The following PDE11A variants were observed in gnomAD, a reference collection of about 807,000 sequenced individuals.
PDE11A encodes phosphodiesterase 11A.
Under a neutral mutation model 100.5 loss-of-function variants are expected in PDE11A, and 100 were observed. The ratio of observed to expected loss-of-function variants is 1.00; its 90% CI spans 0.85 to 1.18. PDE11A has a LOEUF of 1.18. PDE11A is among the 50% of genes most tolerant of loss of function. PDE11A has a pLI of 0.00. For synonymous variants in PDE11A, 381 were observed against 420.8 expected (o/e 0.91, Z 1.16); for missense variants, 1,141 against 1,152.6 (o/e 0.99, Z 0.15).
Position 177,981,298 on chromosome 2 carries a change from C to A in PDE11A, c.1071+33004G>T, listed in dbSNP as rs1202107093. On this transcript the variant is annotated intron_variant, in intron 2 of 19. Transcript: ENST00000286063. ...TAACAAAGTACCACAAATTAGGTGGCTTAGAACGACTGAAATGTATTGTCT... is the reference window on the plus strand; with the variant it reads ...TAACAAAGTACCACAAATTAGGTGGATTAGAACGACTGAAATGTATTGTCT... Among the ~76,000 whole-genome samples, 7 of 150,422 alleles carry A rather than the reference C, an allele frequency of 4.7e-5. 1 individual carries two copies. Among genetic ancestry groups the A allele is most frequent in the Admixed American group, 2.7e-4 (4 of 15,086 alleles).
chr2:177,812,777 T>C (rs2082967363), intron 9 of PDE11A, among the ~76,000 whole-genome samples: 1 of 152,196 alleles, frequency 6.6e-6, no homozygotes, highest in Non-Finnish European at 1.5e-5. Context: ...CCTGTCAGAA[T>C]GTAGCTAGCT....
At chr2:177,861,803 A>T (rs2083950418) in intron 5 of PDE11A, among the ~76,000 whole-genome samples, 1 of 151,928 alleles carries the variant, frequency 6.6e-6, no homozygotes. Context: ...GGGTGGCAAG[A>T]CAAATAAATT....
intron 2 of PDE11A, among the ~76,000 whole-genome samples, chr2:177,955,108 A>C (rs918541402): frequency 6.6e-6 from 1 of 152,144 alleles, no homozygotes; most frequent in African/African-American, 2.4e-5. Context: ...TTTTTATTAA[A>C]ACAATGGGAA....
In PDE11A at chr2:177,684,387, T is replaced by C. The variant is rs534402753; in HGVS notation, c.2346-3484A>G. 3.3e-5 allele frequency among the ~76,000 whole-genome samples: 5 copies of C among 152,342 alleles called. No individual in the cohort carries two copies. In the East Asian group the frequency reaches 7.7e-4, roughly 23 times the overall value. ...AAAAACTTAGTTATCAAGATAAATA[T>C]TTTAATGTGATATTTAACAAAATAA... On this transcript the variant is annotated intron_variant, in intron 15 of 19. Coordinates refer to ENST00000286063, the MANE Select transcript of PDE11A (RefSeq NM_016953.4).
chr2:178,047,456 C>A (rs1182065053), intron 1 of PDE11A, among the ~76,000 whole-genome samples: 7 of 146,672 alleles, frequency 4.8e-5, no homozygotes, highest in Non-Finnish European at 1.0e-4. Context: ...GAGCAAGAGT[C>A]TGTCTCAAAA....
At chr2:177,927,194 T>G (rs1302110696) in intron 2 of PDE11A, among the ~76,000 whole-genome samples, 1 of 152,224 alleles carries the variant, frequency 6.6e-6, no homozygotes, top group African/African-American at 2.4e-5. Flanking sequence ...ATCATTAATT[T>G]TTAAAAATCA....
chr2:177,991,682 A>AAT (rs1421604817), intron 2 of PDE11A, among the ~76,000 whole-genome samples: 1 of 151,218 alleles, frequency 6.6e-6, no homozygotes, highest in Non-Finnish European at 1.5e-5. Flanking sequence ...TGGAAATGAA[A>AAT]ATATATATAC....
intron 2 of PDE11A, among the ~76,000 whole-genome samples, chr2:178,004,588 T>C (rs941537306): frequency 4.6e-5 from 7 of 152,214 alleles, no homozygotes; most frequent in Non-Finnish European, 1.0e-4. Flanking sequence ...TAATCTACAG[T>C]TGCAAATTGT....
At chr2:177,910,530 G>T (rs901929727) in intron 2 of PDE11A, among the ~76,000 whole-genome samples, 1 of 151,488 alleles carries the variant, frequency 6.6e-6, no homozygotes, top group African/African-American at 2.4e-5. Context: ...CAACTAATTT[G>T]GCCTTCACTA....
intron 9 of PDE11A, among the ~76,000 whole-genome samples, chr2:177,790,539 G>A (rs1050541816): frequency 6.6e-6 from 1 of 152,094 alleles, no homozygotes; most frequent in African/African-American, 2.4e-5. Context: ...ATTGACAAAT[G>A]GGATCTAATT....
At chr2:177,795,682 T>C (rs944641675) in intron 9 of PDE11A, among the ~76,000 whole-genome samples, 11 of 151,972 alleles carry the variant, frequency 7.2e-5, no homozygotes, top group African/African-American at 2.7e-4. Context: ...TATTGATATA[T>C]GATAATTTAC....
chr2:177,723,728 A>C (rs984374121), intron 12 of PDE11A, among the ~76,000 whole-genome samples: 1 of 152,176 alleles, frequency 6.6e-6, no homozygotes, highest in African/African-American at 2.4e-5. Flanking sequence ...TCAAAGTGCT[A>C]ATGAGTACAT....
rs187298136 is a variant in PDE11A, at chr2:177,874,734, G to C, written c.1367+1125C>G. ...CAAAAATAAAGTAAAAAATTAGGCT[G>C]TCTGTACAGCTAAGATACATCTAAA... is the stretch of plus-strand genomic sequence containing the variant. On this transcript the variant is annotated intron_variant, in intron 5 of 19. Transcript: ENST00000286063. 1.1e-3 allele frequency among the ~76,000 whole-genome samples: 161 copies of C among 152,248 alleles called. 2 individuals carry two copies. The highest frequency in any genetic ancestry group is 3.5e-3 in the African/African-American group (146 of 41,548).
At chr2:177,944,641 C>A (rs528897104) in intron 2 of PDE11A, among the ~76,000 whole-genome samples, 1 of 152,324 alleles carries the variant, frequency 6.6e-6, no homozygotes, top group East Asian at 1.9e-4. Flanking sequence ...TATATCTCTA[C>A]TTTAAAATCT....
At chr2:178,000,634 A>T (rs2086133037) in intron 2 of PDE11A, among the ~76,000 whole-genome samples, 1 of 152,226 alleles carries the variant, frequency 6.6e-6, no homozygotes, top group African/African-American at 2.4e-5. Context: ...AAAATATTAA[A>T]GTATCTACCT....
rs181927064 is a variant in PDE11A, at chr2:178,017,254, C to A, written c.913-2794G>T. Among the ~76,000 whole-genome samples the A allele has an allele frequency of 4.5e-3, 685 of 152,314 alleles. 4 individuals are homozygous for A. The highest frequency in any genetic ancestry group is 0.034 in the Middle Eastern group (10 of 294). Reference sequence around the variant, plus strand: ...TTTCCAAATATATAGAAGAGAGGTACACAAATGTTCACTGCAACATCAATT... The same window carrying A: ...TTTCCAAATATATAGAAGAGAGGTAAACAAATGTTCACTGCAACATCAATT... On this transcript the variant is annotated intron_variant, in intron 1 of 19. Transcript: ENST00000286063.
chr2:177,889,923 T>G (rs2084503096), intron 4 of PDE11A, among the ~76,000 whole-genome samples: 1 of 152,216 alleles, frequency 6.6e-6, no homozygotes, highest in Non-Finnish European at 1.5e-5. Context: ...CCTACTTCTT[T>G]TTTTGGAGTA....
At chr2:177,811,897 AG>A (rs1439192701) in intron 9 of PDE11A, among the ~76,000 whole-genome samples, 2 of 152,176 alleles carry the variant, frequency 1.3e-5, no homozygotes, top group African/African-American at 2.4e-5. Flanking sequence ...TCAAAGAACT[AG>A]GAAACAGGCA....
chr2:178,070,362 T>C (rs2087109684), intron 1 of PDE11A, among the ~76,000 whole-genome samples: 2 of 152,210 alleles, frequency 1.3e-5, no homozygotes, highest in African/African-American at 4.8e-5. Flanking sequence ...CTATGTAAAA[T>C]TGTCAACTTT....
Sources: gnomAD v4.1 joint callset for allele counts (sites outside exome capture counted in the v4.1 genomes callset) on GRCh38, gnomAD v4.1.1 for gene constraint, MANE v1.5 for transcripts, NCBI Gene and HGNC (gene_info 2026-07-23, HGNC 2026-07-21) for gene names.